KLF12: variants seen among roughly 807,000 people sequenced by gnomAD.
KLF12 encodes KLF transcription factor 12, also known as Krueppel-like factor 12.
Under a neutral mutation model 37.8 loss-of-function variants are expected in KLF12, and 9 were observed. The ratio of observed to expected loss-of-function variants is 0.24; its 90% CI spans 0.14 to 0.42. The LOEUF is 0.42. Ranked by LOEUF, KLF12 falls within the 10% of genes least tolerant of loss-of-function variation. The pLI, the probability that KLF12 is intolerant of heterozygous loss-of-function variation, is 1.00. For synonymous variants in KLF12, 208 were observed against 202.1 expected, an observed-to-expected ratio of 1.03 and a Z score of -0.25; for missense variants, 411 against 516.0, an observed-to-expected ratio of 0.80 and a Z score of 1.97.
the KLF12 span, among the ~76,000 whole-genome samples, chr13:74,215,108 A>G: frequency 6.6e-6 from 1 of 151,980 alleles, no homozygotes; most frequent in Admixed American, 6.6e-5. Context: ...CTAATTTTTG[A>G]TAATGTCTTC....
At chr13:74,054,011 T>C (rs1004379016) in intron 1 of KLF12, among the ~76,000 whole-genome samples, 10 of 152,196 alleles carry the variant, frequency 6.6e-5, no homozygotes, top group Non-Finnish European at 1.3e-4. Context: ...ATTTGTGTCA[T>C]ATCTTAATGA....
chr13:74,192,510 T>C, the KLF12 span, among the ~76,000 whole-genome samples: 3 of 152,260 alleles, frequency 2.0e-5, no homozygotes, highest in Non-Finnish European at 4.4e-5. Context: ...TAATATGATT[T>C]ATGCATATTT....
chr13:73,690,851 T>A lies in KLF12; in HGVS notation c.*4639A>T, dbSNP rs975808310. The A allele has an allele frequency of 6.6e-6, 1 of 152,646 alleles. No individual in the cohort carries two copies. Among genetic ancestry groups the A allele is most frequent in the African/African-American group, 2.4e-5 (1 of 41,462 alleles). The allele number at this position is 152,646 out of a possible 1,614,324, so 9.5% of individuals were successfully genotyped here. A position where few individuals can be genotyped will look rare whatever the true frequency, so the allele number is the denominator to read the frequency against. ...CATATGTTACGAATACAGTAAAATA[T>A]CTTCACTCTATTTTTTAAAGATGCA... On this transcript the variant is annotated 3_prime_UTR_variant, in exon 8 of 8. Transcript: ENST00000377669.
At chr13:73,738,124 TACAC>T (rs199524649) in intron 6 of KLF12, among the ~76,000 whole-genome samples, 20 of 81,880 alleles carry the variant, frequency 2.4e-4, no homozygotes, top group African/African-American at 5.5e-4. Context: ...TATATATATA[TACAC>T]ACACACACAT....
rs1482619373 is a variant in KLF12, at chr13:73,857,166, T to C, written c.124-10793A>G. 2.0e-5 allele frequency among the ~76,000 whole-genome samples: 3 copies of C among 152,184 alleles called. No individual in the cohort carries two copies. The East Asian group carries it at 5.8e-4, about 29-fold the overall frequency. On this transcript the variant is annotated intron_variant, in intron 3 of 7. Coordinates refer to ENST00000377669, the MANE Select transcript of KLF12 (RefSeq NM_007249.5). ...AGCTTTCTAAAGACAGTCTTTATGT[T>C]TGAAAGATTACATATATAGCAACCA... is the stretch of plus-strand genomic sequence containing the variant.
chr13:74,031,917 T>C (rs1250005353), intron 1 of KLF12, among the ~76,000 whole-genome samples: 2 of 152,158 alleles, frequency 1.3e-5, no homozygotes, highest in African/African-American at 4.8e-5. Flanking sequence ...CCTCTCTCTA[T>C]TAATTATTTT....
the KLF12 span, among the ~76,000 whole-genome samples, chr13:74,241,979 G>T: frequency 6.6e-6 from 1 of 152,142 alleles, no homozygotes; most frequent in Non-Finnish European, 1.5e-5. Flanking sequence ...CCCAGGTACC[G>T]AATTTTTAAA....
intron 2 of KLF12, among the ~76,000 whole-genome samples, chr13:73,975,069 A>G (rs1270252789): frequency 6.6e-6 from 1 of 152,190 alleles, no homozygotes; most frequent in African/African-American, 2.4e-5. Context: ...TATTTTTAAA[A>G]ACTATTATTC....
At position 73,953,970 on chromosome 13, in the gene KLF12, C is replaced by CTTTCTT. The variant is rs1437808345; in HGVS notation, c.34-9901_34-9900insAAGAAA. 8.5e-4 allele frequency among the ~76,000 whole-genome samples: 75 copies of CTTTCTT among 88,546 alleles called. 1 individual carries two copies. The highest frequency in any genetic ancestry group is 3.0e-3 in the African/African-American group (68 of 22,688). 58.1% of individuals were successfully genotyped at this position (88,546 alleles called of 152,430 possible). On this transcript the variant is annotated intron_variant, in intron 2 of 7. Transcript: ENST00000377669. Reference sequence around the variant, plus strand: ...AGTAATTAGGTTTTGTTTTTTCTTTCTTTTTTTTTTTTTTTTTTTTTTTTT... The same window carrying CTTTCTT: ...AGTAATTAGGTTTTGTTTTTTCTTTCTTTCTTTTTTTTTTTTTTTTTTTTTTTTTTT...
the KLF12 span, among the ~76,000 whole-genome samples, chr13:74,174,394 G>A: frequency 3.4e-5 from 5 of 147,924 alleles, no homozygotes; most frequent in South Asian, 2.2e-4. Flanking sequence ...GTGCAGTGGC[G>A]CGAACTCGGG....
At position 73,727,509 on chromosome 13, in the gene KLF12, T is replaced by C. The variant is rs79378359; in HGVS notation, c.870-11984A>G. 2.8e-3 allele frequency among the ~76,000 whole-genome samples: 431 copies of C among 152,328 alleles called. 1 individual carries two copies. Among genetic ancestry groups the C allele is most frequent in the African/African-American group, 9.7e-3 (403 of 41,588 alleles). On this transcript the variant is annotated intron_variant, in intron 6 of 7. Transcript: ENST00000377669. ...ACTGACAAAACCAATTTACCATAAA[T>C]GTAAGGGTTGATTCCTGGATTCTTA...
chr13:73,927,105 C>T (rs780132304), intron 3 of KLF12, among the ~76,000 whole-genome samples: 1 of 152,076 alleles, frequency 6.6e-6, no homozygotes, highest in African/African-American at 2.4e-5. Flanking sequence ...TGAACAAATA[C>T]AATAATTCCC....
chr13:73,818,536 G>A (rs1209382923), intron 4 of KLF12, among the ~76,000 whole-genome samples: 1 of 152,216 alleles, frequency 6.6e-6, no homozygotes, highest in African/African-American at 2.4e-5. Flanking sequence ...CCTGCCTGCT[G>A]TCTAAAGACC....
rs747639320 is a variant in KLF12 at position 73,813,211 on chromosome 13, G to T, written c.747C>A (p.Thr249=). The change falls in exon 5 of 8, where the codon ACC becomes ACA. Residue 249 remains threonine (T), a synonymous_variant. Coordinates refer to ENST00000377669, the MANE Select transcript of KLF12 (RefSeq NM_007249.5). ...ATCCAGTTTCATTAACGCTATCTAAGGTCACATTTGGCAGGTCATCATCAT... is the reference window on the plus strand; with the variant it reads ...ATCCAGTTTCATTAACGCTATCTAATGTCACATTTGGCAGGTCATCATCAT... 2 of 1,613,966 alleles carry T rather than the reference G, an allele frequency of 1.2e-6. No homozygotes were observed. The highest frequency in any genetic ancestry group is 8.5e-7 in the Non-Finnish European group (1 of 1,179,928).
At chr13:73,981,728 C>T (rs981414995) in intron 2 of KLF12, among the ~76,000 whole-genome samples, 2 of 152,106 alleles carry the variant, frequency 1.3e-5, no homozygotes, top group South Asian at 2.1e-4. Context: ...AGAGGCGGTG[C>T]CTTTTAGGAG....
At chr13:74,213,177 T>C in the KLF12 span, among the ~76,000 whole-genome samples, 1 of 152,170 alleles carries the variant, frequency 6.6e-6, no homozygotes, top group Non-Finnish European at 1.5e-5. Context: ...CACACACACA[T>C]AAATGGGAAC....
chr13:74,185,832 C>T, the KLF12 span, among the ~76,000 whole-genome samples: 274 of 152,028 alleles, frequency 1.8e-3, no homozygotes, highest in African/African-American at 6.1e-3. Flanking sequence ...TTAATAGAGA[C>T]GGGGTTTCAC....
At chr13:73,948,775 C>G (rs5008129) in intron 2 of KLF12, among the ~76,000 whole-genome samples, 1 of 151,968 alleles carries the variant, frequency 6.6e-6, no homozygotes, top group East Asian at 1.9e-4. Flanking sequence ...ATTGCAAAAC[C>G]TTTGCTTATA....
the KLF12 span, among the ~76,000 whole-genome samples, chr13:74,157,653 C>T: frequency 2.0e-5 from 3 of 152,176 alleles, no homozygotes; most frequent in Non-Finnish European, 2.9e-5. Flanking sequence ...GGATCCATTA[C>T]AAAATCCTGG....
Sources: gnomAD v4.1 joint callset for allele counts (sites outside exome capture counted in the v4.1 genomes callset) on GRCh38, gnomAD v4.1.1 for gene constraint, MANE v1.5 for transcripts, NCBI Gene and HGNC (gene_info 2026-07-23, HGNC 2026-07-21) for gene names.